Variants in R3HDML observed in about 807,000 individuals in gnomAD.
The protein encoded by R3HDML is R3H domain containing like.
A neutral mutation model predicts 24.2 loss-of-function variants in R3HDML; 21 were observed. The observed-to-expected ratio is 0.87, with a 90% CI of 0.62 to 1.25. The LOEUF (loss-of-function observed/expected upper bound fraction) is 1.25, where lower values mean the gene tolerates loss of function less well. R3HDML is among the 50% of genes most tolerant of loss of function. The pLI is 0.00. For missense variants in R3HDML, 301 were observed against 340.3 expected (o/e 0.88, Z 0.91); for synonymous variants, 133 against 131.5 (o/e 1.01, Z -0.08).
At chr20:44,342,331 T>A (rs1002413728) in intron 2 of R3HDML, among the ~76,000 whole-genome samples, 5 of 152,050 alleles carry the variant, frequency 3.3e-5, no homozygotes, top group African/African-American at 1.2e-4. Flanking sequence ...CCTGTCTGTG[T>A]TTTTTCATGT....
intron 3 of R3HDML, 29 bp downstream of exon 3, chr20:44,343,538 T>G (rs879516154): frequency 1.0e-5 from 16 of 1,564,162 alleles, no homozygotes; most frequent in African/African-American, 1.4e-5. Flanking sequence ...TGAGGGCCCC[T>G]GGGATAACAC....
chr20:44,348,582 C>T (rs1478953421), intron 4 of R3HDML, among the ~76,000 whole-genome samples: 4 of 151,834 alleles, frequency 2.6e-5, no homozygotes, highest in African/African-American at 4.8e-5. Context: ...AGCTCTGCAA[C>T]CTCCACGTTC....
In R3HDML at chr20:44,343,270, A is replaced by G. The variant is rs1213664021; in HGVS notation, c.381-107A>G. On this transcript the variant is annotated intron_variant, in intron 2 of 4. Coordinates refer to ENST00000217043, the MANE Select transcript of R3HDML (RefSeq NM_178491.4). The stretch of plus-strand genomic sequence containing the variant: ...TCATGCTCACAGATAGGAAACTGAG[A>G]TGGGGGAAAGGAAGCAAAGTGATCA... 1.4e-5 allele frequency: 19 copies of G among 1,380,560 alleles called. No individual in the cohort carries two copies. The East Asian group carries it at 4.2e-4, about 31-fold the overall frequency. 85.5% of individuals were successfully genotyped at this position (1,380,560 alleles called of 1,614,324 possible).
intron 3 of R3HDML, among the ~76,000 whole-genome samples, chr20:44,343,984 T>A (rs1457885405): frequency 2.0e-5 from 3 of 151,958 alleles, no homozygotes; most frequent in Admixed American, 2.0e-4. Flanking sequence ...AAAACCTTTC[T>A]AAAAATAGTG....
intron 4 of R3HDML, among the ~76,000 whole-genome samples, chr20:44,349,665 G>A (rs1356010553): frequency 6.6e-6 from 1 of 152,204 alleles, no homozygotes; most frequent in African/African-American, 2.4e-5. Flanking sequence ...CATTTAAGGT[G>A]AGAAAACAAG....
chr20:44,348,164 G>T lies in R3HDML; in HGVS notation c.630-2496G>T, dbSNP rs2062794405. 2.0e-5 allele frequency among the ~76,000 whole-genome samples: 3 copies of T among 151,946 alleles called. No homozygotes were observed. The South Asian group carries it at 6.2e-4, about 32-fold the overall frequency. On this transcript the variant is annotated intron_variant, in intron 4 of 4. Transcript: ENST00000217043. ...TAGCCTCTGGGGCCAAGACTACCAG[G>T]GTTCAAATGTGTGATCTTACTTAAC...
chr20:44,345,511 G>C (rs2062784098), intron 4 of R3HDML, 133 bp downstream of exon 4: 1 of 659,536 alleles, frequency 1.5e-6, no homozygotes. Context: ...GTAGTTTTAA[G>C]AGTTTACTAA....
chr20:44,339,599 GTGTGTGTC>G (rs1322515310), intron 1 of R3HDML, among the ~76,000 whole-genome samples: 6 of 151,662 alleles, frequency 4.0e-5, no homozygotes, highest in African/African-American at 1.5e-4. Context: ...GTGTGTGTGT[GTGTGTGTC>G]TGTGTGTGTG....
At chr20:44,342,321 CCTGT>C (rs1356359013) in intron 2 of R3HDML, among the ~76,000 whole-genome samples, 1 of 152,026 alleles carries the variant, frequency 6.6e-6, no homozygotes, top group Non-Finnish European at 1.5e-5. Flanking sequence ...AATTCAGGGC[CCTGT>C]CTGTGTTTTT....
At chr20:44,348,026 A>T (rs192500470) in intron 4 of R3HDML, among the ~76,000 whole-genome samples, 240 of 139,516 alleles carry the variant, frequency 1.7e-3, no homozygotes, top group African/African-American at 6.4e-3. Flanking sequence ...GTACAGTGGC[A>T]TGGTCACAGC....
intron 2 of R3HDML, among the ~76,000 whole-genome samples, 154 bp from the exon 3 acceptor site, chr20:44,343,223 C>T (rs927598956): frequency 1.3e-5 from 2 of 152,204 alleles, no homozygotes; most frequent in Non-Finnish European, 2.9e-5. Context: ...CAGAACATGC[C>T]TGTGAGGCAG....
intron 4 of R3HDML, among the ~76,000 whole-genome samples, chr20:44,348,949 G>A (rs946692291): frequency 1.3e-5 from 2 of 152,092 alleles, no homozygotes; most frequent in East Asian, 1.9e-4. Context: ...TCAGGAGGTC[G>A]AGACCAGCCT....
At chr20:44,347,310 C>T (rs1424591168) in intron 4 of R3HDML, among the ~76,000 whole-genome samples, 1 of 151,948 alleles carries the variant, frequency 6.6e-6, no homozygotes, top group Admixed American at 6.6e-5. Context: ...CCTCCAACTC[C>T]TGGGTTCAAG....
chr20:44,349,319 G>T (rs1240243714), intron 4 of R3HDML, among the ~76,000 whole-genome samples: 9 of 150,206 alleles, frequency 6.0e-5, no homozygotes, highest in Non-Finnish European at 1.5e-5. Flanking sequence ...TATAGTGATT[G>T]CAATCCTTTG....
At position 44,337,729 on chromosome 20, in the gene R3HDML, A is replaced by G. The variant is rs1028609730; in HGVS notation, c.261+311A>G. Among the ~76,000 whole-genome samples, 3 of 138,736 alleles carry G rather than the reference A, an allele frequency of 2.2e-5. No individual in the cohort carries two copies. The highest frequency in any genetic ancestry group is 7.7e-5 in the Admixed American group (1 of 12,992). 91.0% of individuals were successfully genotyped at this position (138,736 alleles called of 152,430 possible). On this transcript the variant is annotated intron_variant, in intron 1 of 4. Coordinates refer to ENST00000217043, the MANE Select transcript of R3HDML (RefSeq NM_178491.4). This position sits in a 1 kb window ranked among gnomAD's most constrained non-coding sequence, Gnocchi z 4.7. ...CCATTTTCCAGAGGAAGAAACTGAG[A>G]CTCAGAGAATTAATTTGCCCAGCCA...
intron 3 of R3HDML, among the ~76,000 whole-genome samples, chr20:44,344,472 A>G (rs2062780708): frequency 6.6e-6 from 1 of 151,638 alleles, no homozygotes; most frequent in South Asian, 2.1e-4. Context: ...AAGGAAATGA[A>G]TAGAAAAGTA....
chr20:44,347,266 T>C (rs1363647099), intron 4 of R3HDML, among the ~76,000 whole-genome samples: 2 of 151,852 alleles, frequency 1.3e-5, no homozygotes, highest in Non-Finnish European at 2.9e-5. Flanking sequence ...TCGCCCAGGC[T>C]GGAGTGCAAT....
intron 4 of R3HDML, among the ~76,000 whole-genome samples, chr20:44,347,095 T>C (rs927578961): frequency 2.6e-5 from 4 of 152,192 alleles, no homozygotes; most frequent in Middle Eastern, 3.4e-3. Flanking sequence ...CGAGCTGAGA[T>C]CACACCACTG....
chr20:44,339,238 C>T (rs2062765823), intron 1 of R3HDML, among the ~76,000 whole-genome samples: 1 of 152,040 alleles, frequency 6.6e-6, no homozygotes, highest in South Asian at 2.1e-4. Context: ...AAGTTTGGCT[C>T]CCATTTCTCA....
Sources: allele counts gnomAD v4.1 joint callset (sites outside exome capture counted in the v4.1 genomes callset), GRCh38; gene constraint gnomAD v4.1.1; non-coding constraint Gnocchi (gnomAD v3.1); transcripts MANE v1.5; gene names NCBI Gene and HGNC (gene_info 2026-07-23, HGNC 2026-07-21).